Variants in SLC9A8 observed in about 807,000 individuals in gnomAD.
The protein encoded by SLC9A8 is sodium/hydrogen exchanger 8.
Under a neutral mutation model 66.6 loss-of-function variants are expected in SLC9A8, and 48 were observed. The ratio of observed to expected loss-of-function variants is 0.72; its 90% CI spans 0.57 to 0.92. SLC9A8 has a LOEUF of 0.92. Among genes scored for constraint, SLC9A8 ranks in the 40% least tolerant of loss-of-function variants. SLC9A8 has a pLI of 0.00. For synonymous variants in SLC9A8, 274 were observed against 282.6 expected, an observed-to-expected ratio of 0.97 and a Z score of 0.31; for missense variants, 599 against 747.3, an observed-to-expected ratio of 0.80 and a Z score of 2.31.
At position 49,834,469 on chromosome 20, in the gene SLC9A8, GTATATA is replaced by G. The variant is rs148411294; in HGVS notation, c.290-5063_290-5058del. On this transcript the variant is annotated intron_variant, in intron 3 of 15. Coordinates refer to ENST00000361573, the MANE Select transcript of SLC9A8 (RefSeq NM_015266.3). ...TATATACTGTATATATATATACTGT[GTATATA>G]TATATATACTGTATATATACACACA... is the stretch of plus-strand genomic sequence containing the variant. 1.8e-3 allele frequency among the ~76,000 whole-genome samples: 124 copies of G among 70,580 alleles called. 2 individuals are homozygous for G. Among genetic ancestry groups the G allele is most frequent in the Non-Finnish European group, 3.3e-3 (97 of 29,806 alleles). 46.3% of individuals were successfully genotyped at this position (70,580 alleles called of 152,430 possible). A position where few individuals can be genotyped will look rare whatever the true frequency, so the allele number is the denominator to read the frequency against.
chr20:49,820,478 A>C (rs1274830207), intron 2 of SLC9A8, among the ~76,000 whole-genome samples: 6 of 152,026 alleles, frequency 3.9e-5, no homozygotes, highest in Non-Finnish European at 8.8e-5. Context: ...CCTGGGTGAC[A>C]GAGTGAGACT....
At position 49,815,159 on chromosome 20, in the gene SLC9A8, A is replaced by G; in HGVS notation, c.178A>G (p.Met60Val). 6.3e-7 allele frequency: 1 copy of G among 1,578,844 alleles called. No homozygotes were observed. Among genetic ancestry groups the G allele is most frequent in the South Asian group, 1.1e-5 (1 of 87,076 alleles). The change falls in exon 2 of 16, where the codon ATG becomes GTG. Residue 60 changes from methionine (M) to valine (V), a missense_variant. Coordinates refer to ENST00000361573, the MANE Select transcript of SLC9A8 (RefSeq NM_015266.3). ...QAQQEEQSSG[M>V]TIFFSLLVLA... is the part of the protein sequence containing the mutation. ...CCAGCAAGAGGAGCAGTCCAGCGGC[A>G]TGACCATTTTCTTCAGCCTCCTTGT...
intron 9 of SLC9A8, among the ~76,000 whole-genome samples, chr20:49,863,590 A>G (rs2146676704): frequency 6.6e-6 from 1 of 152,356 alleles, no homozygotes; most frequent in Non-Finnish European, 1.5e-5. Flanking sequence ...TGCCAAATAG[A>G]GAAAATTTTT....
In SLC9A8 at chr20:49,845,100, C is replaced by CTGGA; in HGVS notation, c.415_418dup (p.Tyr140TrpfsTer8). ...CTGCTTCCCCCTATTATCTTTGAGT[C>CTGGA]TGGATATTCATTACACAAGGTGAGA... On this transcript the variant is annotated frameshift_variant, in exon 5 of 16. Coordinates refer to ENST00000361573, the MANE Select transcript of SLC9A8 (RefSeq NM_015266.3). LOFTEE classifies it high-confidence loss of function. The CTGGA allele has an allele frequency of 6.2e-7, 1 of 1,612,458 alleles. No individual in the cohort carries two copies. The highest frequency in any genetic ancestry group is 8.5e-7 in the Non-Finnish European group (1 of 1,178,554).
At chr20:49,853,634 T>C (rs1192166780) in intron 7 of SLC9A8, among the ~76,000 whole-genome samples, 1 of 152,158 alleles carries the variant, frequency 6.6e-6, no homozygotes, top group African/African-American at 2.4e-5. Flanking sequence ...CTTCCCTTTC[T>C]TCCTTCCCTT....
chr20:49,890,027 G>A lies in SLC9A8; in HGVS notation c.*2091G>A, dbSNP rs920951789. 6.6e-6 allele frequency: 1 copy of A among 152,252 alleles called. No homozygotes were observed. The highest frequency in any genetic ancestry group is 2.4e-5 in the African/African-American group (1 of 41,452). The allele number at this position is 152,252 out of a possible 1,614,324, so 9.4% of individuals were successfully genotyped here. Reference sequence around the variant, plus strand: ...ACACTTTGAGCTGAGACTTGAAAACGATGCTGTGGCGGAAGAGCATGTGGG... The same window carrying A: ...ACACTTTGAGCTGAGACTTGAAAACAATGCTGTGGCGGAAGAGCATGTGGG... On this transcript the variant is annotated 3_prime_UTR_variant, in exon 16 of 16. Coordinates refer to ENST00000361573, the MANE Select transcript of SLC9A8 (RefSeq NM_015266.3).
At chr20:49,842,227 G>A (rs982134116) in intron 4 of SLC9A8, among the ~76,000 whole-genome samples, 4 of 151,098 alleles carry the variant, frequency 2.6e-5, no homozygotes, top group Admixed American at 6.6e-5. Flanking sequence ...CTGCCACCAC[G>A]CCCGGCTAAT....
At chr20:49,850,447 T>C (rs947540012) in intron 6 of SLC9A8, among the ~76,000 whole-genome samples, 2 of 152,230 alleles carry the variant, frequency 1.3e-5, no homozygotes, top group African/African-American at 4.8e-5. Flanking sequence ...CTTCTCTCAA[T>C]AGCCAAAGCC....
At chr20:49,872,569 T>A (rs1310925626) in intron 10 of SLC9A8, among the ~76,000 whole-genome samples, 1 of 151,928 alleles carries the variant, frequency 6.6e-6, no homozygotes, top group African/African-American at 2.4e-5. Flanking sequence ...CACTGCATCC[T>A]CCACCCCTCC....
intron 14 of SLC9A8, 40 bp downstream of exon 14, chr20:49,884,106 G>T: frequency 1.3e-6 from 2 of 1,568,796 alleles, no homozygotes; most frequent in East Asian, 4.5e-5. Flanking sequence ...CAGGGGGCTG[G>T]CCTGCTACGC....
In SLC9A8 at chr20:49,880,990, G is replaced by T; in HGVS notation, c.1225G>T (p.Asp409Tyr). ...TTCCTACCTCCTGAATTTCTTCCGG[G>T]ATCATAAAATCACACCGAAGATGAT... ...PLSYLLNFFR[D>Y]HKITPKMMFI... The change falls in exon 13 of 16, where the codon GAT becomes TAT. Residue 409 changes from aspartate to tyrosine, a missense_variant. Physicochemically the swap from Asp to Tyr is radical, Grantham distance 160. Around this residue, in one of 2 missense-constraint regions of SLC9A8, gnomAD observed 467 missense variants for 626.5 expected, o/e 0.75. Transcript: ENST00000361573. 1 of 1,613,974 alleles carries T rather than the reference G, an allele frequency of 6.2e-7. No individual in the cohort carries two copies. Among genetic ancestry groups the T allele is most frequent in the Non-Finnish European group, 8.5e-7 (1 of 1,179,876 alleles).
At chr20:49,870,944 C>T (rs964183186) in intron 10 of SLC9A8, among the ~76,000 whole-genome samples, 54 of 152,240 alleles carry the variant, frequency 3.5e-4, no homozygotes, top group African/African-American at 1.2e-3. Flanking sequence ...AAGCAATCCA[C>T]CCACTTTGGC....
chr20:49,883,281 C>T (rs550604030), intron 13 of SLC9A8, among the ~76,000 whole-genome samples: 1 of 152,260 alleles, frequency 6.6e-6, no homozygotes, highest in East Asian at 1.9e-4. Context: ...CCATCAGTGC[C>T]ACCAGGGGCC....
chr20:49,883,681 G>A (rs530003971), intron 13 of SLC9A8, among the ~76,000 whole-genome samples, 165 bp from the exon 14 acceptor site: 1 of 152,304 alleles, frequency 6.6e-6, no homozygotes, highest in Non-Finnish European at 1.5e-5. Context: ...TCTGCCACCT[G>A]CTCTTTACAC....
rs1247231197 is a variant in SLC9A8, at chr20:49,887,973, A to G, written c.*37A>G. 6.5e-7 allele frequency: 1 copy of G among 1,532,160 alleles called. No individual in the cohort carries two copies. Among genetic ancestry groups the G allele is most frequent in the Non-Finnish European group, 9.0e-7 (1 of 1,106,512 alleles). The allele number at this position is 1,532,160 out of a possible 1,614,324, so 94.9% of individuals were successfully genotyped here. A position where few individuals can be genotyped will look rare whatever the true frequency, so the allele number is the denominator to read the frequency against. On this transcript the variant is annotated 3_prime_UTR_variant, in exon 16 of 16. Transcript: ENST00000361573. ...AAGGCTTCAGGCAGGCAGGCCCAGG[A>G]TGGGCGTTTGCTGCGCACAGACACT... is the stretch of plus-strand genomic sequence containing the variant.
chr20:49,871,062 G>T (rs2089190161), intron 10 of SLC9A8, among the ~76,000 whole-genome samples: 1 of 152,242 alleles, frequency 6.6e-6, no homozygotes, highest in African/African-American at 2.4e-5. Context: ...GCATATTGAA[G>T]TGTTAATAGT....
chr20:49,824,164 A>G (rs1361009480), intron 3 of SLC9A8, among the ~76,000 whole-genome samples: 2 of 151,982 alleles, frequency 1.3e-5, no homozygotes, highest in Non-Finnish European at 2.9e-5. Flanking sequence ...CATCTATCTC[A>G]TTTATGCCTT....
At chr20:49,878,443 A>G (rs2089510629) in intron 12 of SLC9A8, among the ~76,000 whole-genome samples, 1 of 152,240 alleles carries the variant, frequency 6.6e-6, no homozygotes, top group African/African-American at 2.4e-5. Flanking sequence ...AAAAGAAAAT[A>G]TGTAAAGAAA....
At chr20:49,831,429 C>G (rs190791217) in intron 3 of SLC9A8, among the ~76,000 whole-genome samples, 1 of 150,886 alleles carries the variant, frequency 6.6e-6, no homozygotes, top group Non-Finnish European at 1.5e-5. Flanking sequence ...CTCTCTCTCT[C>G]TCTGTCTCTC....
Sources: allele counts gnomAD v4.1 joint callset (sites outside exome capture counted in the v4.1 genomes callset), GRCh38; gene constraint gnomAD v4.1.1; regional missense constraint gnomAD v4.1.1; transcripts MANE v1.5; gene names NCBI Gene and HGNC (gene_info 2026-07-23, HGNC 2026-07-21).